The following WDR62 variants were observed in gnomAD, a reference collection of about 807,000 sequenced individuals.
The protein encoded by WDR62 is WD repeat domain 62.
A neutral mutation model predicts 160.6 loss-of-function variants in WDR62; 112 were observed. The ratio of observed to expected loss-of-function variants is 0.70; its 90% CI spans 0.60 to 0.82. The LOEUF (loss-of-function observed/expected upper bound fraction) is 0.82. Ranked by LOEUF, WDR62 falls within the 40% of genes least tolerant of loss-of-function variation. The pLI, the probability that WDR62 is intolerant of heterozygous loss-of-function variation, is 0.00. For missense variants in WDR62, 1,819 were observed against 1,983.8 expected (o/e 0.92, Z 1.58); for synonymous variants, 792 against 815.1 (o/e 0.97, Z 0.48).
chr19:36,092,834 C>T, intron 19 of WDR62, 23 bp downstream of exon 19: 1 of 1,613,580 alleles, frequency 6.2e-7, no homozygotes, highest in Non-Finnish European at 8.5e-7. Flanking sequence ...CCTGCCTGTC[C>T]ACCAGAGGGA....
At chr19:36,075,220 G>T (rs542309733) in intron 9 of WDR62, 2 of 151,928 alleles carry the variant, frequency 1.3e-5, no homozygotes, top group African/African-American at 4.8e-5. Flanking sequence ...TTTTAGTAGA[G>T]ACGGGGTTTC....
In WDR62 at chr19:36,101,732, G is replaced by C; in HGVS notation, c.3040G>C (p.Asp1014His). The change falls in exon 25 of 32, where the codon GAC (aspartate) becomes CAC (histidine). Residue 1014 changes from aspartate (D) to histidine (H), a missense_variant. Asp to His is a moderately conservative substitution (Grantham distance 81). Transcript: ENST00000401500. The part of the protein sequence containing the change: ...AAIHSPAPPP[D>H]PAPRFATSLP... The stretch of plus-strand genomic sequence containing the variant: ...CATCCACTCCCCAGCTCCGCCTCCT[G>C]ACCCTGCCCCTCGGTTTGCCACGTC... 6.4e-7 allele frequency: 1 copy of C among 1,551,822 alleles called. No homozygotes were observed. Among genetic ancestry groups the C allele is most frequent in the Non-Finnish European group, 8.7e-7 (1 of 1,147,214 alleles).
rs376249605 is a variant in WDR62, at chr19:36,066,360, C to G, written c.494C>G (p.Pro165Arg). 2.5e-6 allele frequency: 4 copies of G among 1,613,846 alleles called. No homozygotes were observed. The highest frequency in any genetic ancestry group is 3.4e-6 in the Non-Finnish European group (4 of 1,179,880). Residue 165 changes from proline (P) to arginine (R), a missense_variant, in exon 5 of 32, where the codon CCC becomes CGC. Pro to Arg is a moderately radical substitution (Grantham distance 103). Transcript: ENST00000401500. ...GGTGTGGCGTGTGTGGCCTTCTCAC[C>G]CAATATGAAGCACATCGTGTCCATG... ...KYGVACVAFS[P>R]NMKHIVSMGY... is the part of the protein sequence containing the mutation.
chr19:36,099,221 C>CAAAAAA (rs71167592), intron 21 of WDR62, among the ~76,000 whole-genome samples, 178 bp from the exon 22 acceptor site: 49 of 76,316 alleles, frequency 6.4e-4, no homozygotes, highest in South Asian at 1.9e-3. Context: ...GACTTCGTCT[C>CAAAAAA]AAAAAAAAAA....
intron 16 of WDR62, 36 bp from the exon 17 acceptor site, chr19:36,091,164 G>T: frequency 6.3e-7 from 1 of 1,578,276 alleles, no homozygotes; most frequent in Non-Finnish European, 8.7e-7. Context: ...GAAGAAGCAG[G>T]CAGCTGGAGT....
At chr19:36,071,202 C>CAAAA in intron 7 of WDR62, 6 of 230,226 alleles carry the variant, frequency 2.6e-5, no homozygotes, top group Admixed American at 5.2e-5. Flanking sequence ...AACTCTATCT[C>CAAAA]AAAAAAAAAA....
intron 24 of WDR62, 161 bp downstream of exon 24, chr19:36,101,478 C>T (rs1973333078): frequency 2.4e-6 from 2 of 825,740 alleles, no homozygotes; most frequent in South Asian, 1.5e-5. Flanking sequence ...GCCCAGCTGC[C>T]TACAGCTGAG....
intron 8 of WDR62, among the ~76,000 whole-genome samples, chr19:36,072,881 C>G (rs915991211): frequency 1.3e-5 from 2 of 152,168 alleles, no homozygotes; most frequent in African/African-American, 4.8e-5. Context: ...GTAAAACTCT[C>G]GGCCTGGCAC....
At chr19:36,066,898 C>T (rs901744487) in intron 5 of WDR62, among the ~76,000 whole-genome samples, 4 of 152,120 alleles carry the variant, frequency 2.6e-5, no homozygotes, top group East Asian at 1.9e-4. Context: ...GCGCCTCCCT[C>T]GTGGGGCTTT....
downstream of WDR62, among the ~76,000 whole-genome samples, chr19:36,109,469 C>T (rs112450090): frequency 3.6e-3 from 543 of 152,338 alleles, 3 homozygotes; most frequent in African/African-American, 0.012. Context: ...CGCAATGGCT[C>T]ACGCCTGTAA....
Position 36,103,551 on chromosome 19 carries a change from C to T in WDR62, c.3723C>T (p.Ile1241=), listed in dbSNP as rs775723707. 5.0e-6 allele frequency: 8 copies of T among 1,613,872 alleles called. No homozygotes were observed. The highest frequency in any genetic ancestry group is 2.7e-5 in the African/African-American group (2 of 74,924). Residue 1241 remains isoleucine, a synonymous_variant, in exon 30 of 32, where the codon ATC becomes ATT. Coordinates refer to ENST00000401500, the MANE Select transcript of WDR62 (RefSeq NM_001083961.2). ...SISLGDSEGP[I]VATLAQPLRR... ...CCCTCGGTGACAGTGAGGGCCCTAT[C>T]GTGGCCACACTGGCCCAGCCCCTCC...
At chr19:36,091,590 G>A in intron 18 of WDR62, 125 bp downstream of exon 18, 2 of 945,862 alleles carry the variant, frequency 2.1e-6, no homozygotes, top group Admixed American at 3.8e-5. Context: ...GTCACACCCA[G>A]CCCTGAGTTC....
At position 36,097,822 on chromosome 19, in the gene WDR62, T is replaced by C. The variant is rs115633641; in HGVS notation, c.2520+743T>C. On this transcript the variant is annotated intron_variant, in intron 21 of 31. Coordinates refer to ENST00000401500, the MANE Select transcript of WDR62 (RefSeq NM_001083961.2). Reference sequence around the variant, plus strand: ...TTGTTTGGGCCAGGGAGGTCGAGGATGCAGGGAGCTGCACTCCACAGCACT... The same window carrying C: ...TTGTTTGGGCCAGGGAGGTCGAGGACGCAGGGAGCTGCACTCCACAGCACT... Among the ~76,000 whole-genome samples, 1,379 of 151,924 alleles carry C rather than the reference T, an allele frequency of 9.1e-3. 26 individuals carry two copies. The highest frequency in any genetic ancestry group is 0.032 in the African/African-American group (1,331 of 41,424).
At chr19:36,088,759 C>A (rs1381061765) in intron 13 of WDR62, among the ~76,000 whole-genome samples, 1 of 152,250 alleles carries the variant, frequency 6.6e-6, no homozygotes, top group East Asian at 1.9e-4. Flanking sequence ...ATCTCAATCC[C>A]AGACTGGAGA....
intron 13 of WDR62, among the ~76,000 whole-genome samples, chr19:36,088,293 C>T (rs143207660): frequency 1.3e-5 from 2 of 152,160 alleles, no homozygotes; most frequent in African/African-American, 2.4e-5. Flanking sequence ...GCAACAAGAG[C>T]GAAACTCTGT....
At chr19:36,080,812 G>C (rs988978916) in intron 9 of WDR62, among the ~76,000 whole-genome samples, 3 of 152,172 alleles carry the variant, frequency 2.0e-5, no homozygotes, top group Non-Finnish European at 4.4e-5. Context: ...TTTCAGCCCT[G>C]CTTGGTTAAT....
rs1229485544 is a variant in WDR62 at position 36,066,240 on chromosome 19, G to A, written c.391-17G>A. ...CAGTACAGAGCCCAGCAGCAGTAACGACCCCACCTTCCCTAGAATGGGCAT... is the reference window on the plus strand; with the variant it reads ...CAGTACAGAGCCCAGCAGCAGTAACAACCCCACCTTCCCTAGAATGGGCAT... On this transcript the variant is annotated splice_polypyrimidine_tract_variant and intron_variant, in intron 4 of 31. Coordinates refer to ENST00000401500, the MANE Select transcript of WDR62 (RefSeq NM_001083961.2). 2.5e-6 allele frequency: 4 copies of A among 1,613,832 alleles called. No individual in the cohort carries two copies. The highest frequency in any genetic ancestry group is 2.2e-5 in the East Asian group (1 of 44,892).
intron 21 of WDR62, 78 bp from the exon 22 acceptor site, chr19:36,099,321 G>T (rs920122154): frequency 1.8e-5 from 21 of 1,198,674 alleles, no homozygotes; most frequent in East Asian, 2.4e-5. Context: ...GTCCAGATGG[G>T]CTGTGTGAAA....
chr19:36,089,159 T>G, intron 14 of WDR62, 26 bp from the exon 15 acceptor site: 1 of 1,613,306 alleles, frequency 6.2e-7, no homozygotes, highest in Non-Finnish European at 8.5e-7. Context: ...CGGGGCATTC[T>G]CTGAAGGTCC....
Sources: gnomAD v4.1 joint callset for allele counts (sites outside exome capture counted in the v4.1 genomes callset) on GRCh38, gnomAD v4.1.1 for gene constraint, MANE v1.5 for transcripts, NCBI Gene and HGNC (gene_info 2026-07-23, HGNC 2026-07-21) for gene names.